VPS53: variants seen among roughly 807,000 people sequenced by gnomAD.
VPS53 encodes the protein VPS53 subunit of GARP complex, also known as vacuolar protein sorting-associated protein 53 homolog.
Under a neutral mutation model 107.0 loss-of-function variants are expected in VPS53, and 70 were observed. That is an observed-to-expected ratio of 0.65 (90% CI 0.54 to 0.80). The LOEUF (loss-of-function observed/expected upper bound fraction) is 0.80, where lower values mean the gene tolerates loss of function less well. VPS53 is among the 30% of genes least tolerant of loss of function. VPS53 has a pLI of 0.00. For synonymous variants in VPS53, 409 were observed against 393.3 expected (o/e 1.04, Z -0.47); for missense variants, 917 against 1,049.4 (o/e 0.87, Z 1.74).
intron 11 of VPS53, chr17:616,202 C>G (rs1969126642): frequency 6.6e-6 from 1 of 152,224 alleles, no homozygotes. Context: ...TGCAGAATAA[C>G]TGCCAGGTCG....
chr17:561,269 T>C (rs1912945532), intron 14 of VPS53, among the ~76,000 whole-genome samples: 1 of 152,234 alleles, frequency 6.6e-6, no homozygotes, highest in South Asian at 2.1e-4. Context: ...CAGCCCCAGC[T>C]ACTGAGTGAG....
chr17:572,021 G>A (rs1408317093), intron 13 of VPS53, among the ~76,000 whole-genome samples: 1 of 151,672 alleles, frequency 6.6e-6, no homozygotes, highest in Non-Finnish European at 1.5e-5. Context: ...GGGATGTGAG[G>A]AGCCCCTCTG....
At chr17:540,889 G>T (rs1910584350) in intron 17 of VPS53, among the ~76,000 whole-genome samples, 1 of 152,110 alleles carries the variant, frequency 6.6e-6, no homozygotes, top group Non-Finnish European at 1.5e-5. Flanking sequence ...CAGTGGGGCT[G>T]GGGGGTCAGC....
At chr17:562,909 C>T (rs1678030109) in intron 13 of VPS53, among the ~76,000 whole-genome samples, 164 bp from the exon 14 acceptor site, 1 of 152,146 alleles carries the variant, frequency 6.6e-6, no homozygotes, top group Admixed American at 6.5e-5. Context: ...TTCACTACCA[C>T]CACCACTCCT....
chr17:566,766 C>T (rs942488872), intron 13 of VPS53, among the ~76,000 whole-genome samples: 11 of 151,570 alleles, frequency 7.3e-5, no homozygotes, highest in African/African-American at 2.4e-4. Context: ...TTTTTGGAGA[C>T]GGAGTCTCAC....
chr17:612,366 C>T (rs1242288104), intron 11 of VPS53, among the ~76,000 whole-genome samples: 2 of 114,424 alleles, frequency 1.7e-5, no homozygotes, highest in African/African-American at 5.9e-5. Flanking sequence ...AGTGAGTTCA[C>T]ACAGTGAAAA....
rs146981205 is a variant in VPS53 at position 524,608 on chromosome 17, G to T, written c.2086-2870C>A. On this transcript the variant is annotated intron_variant, in intron 19 of 21. Transcript: ENST00000437048. This position sits in a 1 kb window ranked among gnomAD's most constrained non-coding sequence, Gnocchi z 4.5. ...CACAAAAGAGGAAACTCAAATGCCC[G>T]AAAGGCATATGAAATGACACGCAAC... Among the ~76,000 whole-genome samples, 481 of 152,290 alleles carry T rather than the reference G, an allele frequency of 3.2e-3. 5 individuals are homozygous for T. Among genetic ancestry groups the T allele is most frequent in the African/African-American group, 6.4e-3 (266 of 41,556 alleles).
chr17:650,892 T>C (rs868859608), intron 7 of VPS53, among the ~76,000 whole-genome samples: 1 of 152,132 alleles, frequency 6.6e-6, no homozygotes, highest in Non-Finnish European at 1.5e-5. Context: ...GGTTTATACA[T>C]ACTGATGAGA....
intron 7 of VPS53, among the ~76,000 whole-genome samples, chr17:644,903 G>C (rs547899113): frequency 2.6e-5 from 4 of 152,270 alleles, no homozygotes; most frequent in African/African-American, 9.6e-5. Context: ...TTACTTAATA[G>C]CACATATTCT....
At position 629,495 on chromosome 17, in the gene VPS53, C is replaced by A. The variant is rs76489747; in HGVS notation, c.688-1264G>T. Among the ~76,000 whole-genome samples, 386 of 152,236 alleles carry A rather than the reference C, an allele frequency of 2.5e-3. 1 individual carries two copies. The highest frequency in any genetic ancestry group is 4.2e-3 in the Non-Finnish European group (285 of 68,022). On this transcript the variant is annotated intron_variant, in intron 8 of 21. Transcript: ENST00000437048. ...AAACTAGGCTGGGAGCGGTGGCTCA[C>A]GCCTGTAATCCCAGCACTTTGGGAG...
chr17:626,262 T>G (rs1215985182), intron 10 of VPS53, among the ~76,000 whole-genome samples: 1 of 152,098 alleles, frequency 6.6e-6, no homozygotes, highest in African/African-American at 2.4e-5. Context: ...ATATACTGAT[T>G]TAACCTTCCT....
intron 4 of VPS53, among the ~76,000 whole-genome samples, chr17:672,160 T>C (rs1261486014): frequency 3.4e-5 from 4 of 116,196 alleles, no homozygotes; most frequent in Non-Finnish European, 7.4e-5. Flanking sequence ...ACAATCTCTC[T>C]CTCACACAAT....
chr17:710,656 C>A, intron 1 of VPS53, 43 bp from the exon 2 acceptor site: 1 of 1,384,446 alleles, frequency 7.2e-7, no homozygotes, highest in South Asian at 1.2e-5. Context: ...ATGTAGTATA[C>A]CGTAAATATA....
chr17:567,797 G>A (rs375431715), intron 13 of VPS53, among the ~76,000 whole-genome samples: 7 of 151,634 alleles, frequency 4.6e-5, no homozygotes, highest in Admixed American at 2.6e-4. Context: ...GCTGAGGGAG[G>A]ACGATCATTT....
intron 1 of VPS53, chr17:714,021 G>T (rs1453545871): frequency 1.3e-5 from 2 of 149,444 alleles, no homozygotes; most frequent in Non-Finnish European, 3.0e-5. Flanking sequence ...CTCCAGCCCG[G>T]GCGACAGAGC....
chr17:604,948 T>TG (rs1337387293), intron 11 of VPS53, among the ~76,000 whole-genome samples: 2 of 152,188 alleles, frequency 1.3e-5, no homozygotes, highest in East Asian at 3.8e-4. Context: ...GATTAGAGTC[T>TG]GCTGGGGGAG....
At chr17:698,596 A>G (rs1973073304) in intron 3 of VPS53, among the ~76,000 whole-genome samples, 1 of 151,972 alleles carries the variant, frequency 6.6e-6, no homozygotes, top group African/African-American at 2.4e-5. Flanking sequence ...CCAGCTACTC[A>G]GGAGGCTGAG....
At chr17:669,608 AT>A (rs1470459824) in intron 4 of VPS53, among the ~76,000 whole-genome samples, 1 of 149,888 alleles carries the variant, frequency 6.7e-6, no homozygotes, top group Non-Finnish European at 1.5e-5. Flanking sequence ...AAAAAAAAAA[AT>A]TAGGCCAGGT....
intron 17 of VPS53, among the ~76,000 whole-genome samples, chr17:543,085 A>G (rs147574185): frequency 4.4e-4 from 67 of 152,292 alleles, no homozygotes; most frequent in African/African-American, 1.6e-3. Flanking sequence ...GATTCTAGGT[A>G]GAACTTGACA....
Sources: allele counts gnomAD v4.1 joint callset (sites outside exome capture counted in the v4.1 genomes callset), GRCh38; gene constraint gnomAD v4.1.1; non-coding constraint Gnocchi (gnomAD v3.1); transcripts MANE v1.5; gene names NCBI Gene and HGNC (gene_info 2026-07-23, HGNC 2026-07-21).